The following RABGAP1 variants were observed in gnomAD, a reference collection of about 807,000 sequenced individuals.
The protein encoded by RABGAP1 is RAB GTPase activating protein 1, also known as rab GTPase-activating protein 1.
A neutral mutation model predicts 137.6 loss-of-function variants in RABGAP1; 23 were observed. The observed-to-expected ratio is 0.17, with a 90% CI of 0.12 to 0.24. The LOEUF is 0.24. Ranked by LOEUF, RABGAP1 falls within the 10% of genes least tolerant of loss-of-function variation. The pLI, the probability that RABGAP1 is intolerant of heterozygous loss-of-function variation, is 1.00. For synonymous variants in RABGAP1, 451 were observed against 450.7 expected, an observed-to-expected ratio of 1.00 and a Z score of -0.01; for missense variants, 906 against 1,275.8, an observed-to-expected ratio of 0.71 and a Z score of 4.42.
intron 11 of RABGAP1, among the ~76,000 whole-genome samples, chr9:123,012,061 C>G (rs2030858134): frequency 6.6e-6 from 1 of 152,200 alleles, no homozygotes; most frequent in Admixed American, 6.5e-5. Flanking sequence ...GGATCTAGGT[C>G]TGTGAATCCA....
intron 10 of RABGAP1, 71 bp from the exon 11 acceptor site, chr9:123,010,283 A>G: frequency 7.3e-7 from 1 of 1,371,524 alleles, no homozygotes; most frequent in Middle Eastern, 2.6e-4. Context: ...TAAAAACATT[A>G]AAAACACTGC....
chr9:123,034,513 T>G, intron 13 of RABGAP1: 1 of 1,136,440 alleles, frequency 8.8e-7, no homozygotes, highest in Non-Finnish European at 1.3e-6. Flanking sequence ...TTCTTTGAAC[T>G]GTTGGCAGCA....
chr9:123,093,595 GC>G (rs1459378448), intron 21 of RABGAP1, among the ~76,000 whole-genome samples: 1 of 152,182 alleles, frequency 6.6e-6, no homozygotes, highest in Non-Finnish European at 1.5e-5. Flanking sequence ...AGTTAGCTTG[GC>G]CCCTTTATTA....
At chr9:122,990,260 GGA>G (rs1836599805) in intron 6 of RABGAP1, 47 bp downstream of exon 6, 1 of 1,464,310 alleles carries the variant, frequency 6.8e-7, no homozygotes. Flanking sequence ...GTGGTTCAGG[GGA>G]AATTCTAGGT....
At chr9:122,977,173 G>A (rs948965136) in intron 2 of RABGAP1, among the ~76,000 whole-genome samples, 6 of 152,196 alleles carry the variant, frequency 3.9e-5, no homozygotes, top group African/African-American at 1.4e-4. Context: ...TTGAATGGTG[G>A]CCATATGTGA....
chr9:123,006,842 C>A (rs1243465498), intron 10 of RABGAP1, among the ~76,000 whole-genome samples: 2 of 152,122 alleles, frequency 1.3e-5, no homozygotes, highest in African/African-American at 4.8e-5. Flanking sequence ...CTCCTGACCT[C>A]AGGTGATCCA....
intron 13 of RABGAP1, chr9:123,062,655 C>T (rs2034021510): frequency 6.6e-6 from 1 of 152,196 alleles, no homozygotes; most frequent in Non-Finnish European, 1.5e-5. Context: ...CCCCTTCATT[C>T]TCTGATAATT....
chr9:122,944,097 G>A (rs775454573), intron 1 of RABGAP1, among the ~76,000 whole-genome samples: 3 of 152,166 alleles, frequency 2.0e-5, no homozygotes, highest in Non-Finnish European at 4.4e-5. Context: ...GGTGCTACAG[G>A]TGAGTATCTT....
intron 19 of RABGAP1, among the ~76,000 whole-genome samples, chr9:123,082,035 C>T (rs372527963): frequency 4.0e-5 from 6 of 151,204 alleles, no homozygotes; most frequent in African/African-American, 1.5e-4. Flanking sequence ...GTGTGTTGCT[C>T]AAAAATGTCT....
chr9:123,006,056 C>T (rs1588256260), intron 10 of RABGAP1, among the ~76,000 whole-genome samples: 2 of 152,096 alleles, frequency 1.3e-5, no homozygotes, highest in African/African-American at 4.8e-5. Context: ...TGGTCTTTTT[C>T]GTCTTTATTT....
chr9:123,005,056 C>A (rs1464746236), intron 10 of RABGAP1, among the ~76,000 whole-genome samples: 37 of 93,848 alleles, frequency 3.9e-4, no homozygotes, highest in African/African-American at 8.6e-4. Flanking sequence ...AACTCCATCT[C>A]AAAAAAAAAA....
intron 1 of RABGAP1, among the ~76,000 whole-genome samples, chr9:122,951,502 TATC>T: frequency 6.6e-6 from 1 of 152,222 alleles, no homozygotes; most frequent in East Asian, 1.9e-4. Context: ...AAAGAGGTTT[TATC>T]ATGGCCAGTT....
intron 3 of RABGAP1, 109 bp from the exon 4 acceptor site, chr9:122,986,106 A>T: frequency 1.0e-6 from 1 of 968,744 alleles, no homozygotes; most frequent in Non-Finnish European, 1.6e-6. Context: ...TTGTCTCATT[A>T]ATACTTAATT....
rs577991407 is a variant in RABGAP1 at position 123,038,600 on chromosome 9, T to C, written c.1794+18141T>C. Among the ~76,000 whole-genome samples the C allele has an allele frequency of 4.6e-5, 7 of 152,266 alleles. No homozygotes were observed. The East Asian group carries it at 1.4e-3, about 29-fold the overall frequency. On this transcript the variant is annotated intron_variant, in intron 13 of 25. Coordinates refer to ENST00000373647, the MANE Select transcript of RABGAP1 (RefSeq NM_012197.4). ...GAAATTACCAGCAAGCCAAAATGTATTGTTACATGAGCAAATTTTGGGAAA... is the reference window on the plus strand; with the variant it reads ...GAAATTACCAGCAAGCCAAAATGTACTGTTACATGAGCAAATTTTGGGAAA...
At chr9:122,997,426 A>C in intron 9 of RABGAP1, 65 bp downstream of exon 9, 1 of 1,195,508 alleles carries the variant, frequency 8.4e-7, no homozygotes, top group Non-Finnish European at 1.2e-6. Flanking sequence ...AAAACTAAGG[A>C]CCCCTTCTTT....
intron 11 of RABGAP1, 40 bp downstream of exon 11, chr9:123,010,568 A>T: frequency 6.5e-7 from 1 of 1,549,624 alleles, no homozygotes; most frequent in South Asian, 1.1e-5. Context: ...TTGGGGGTGG[A>T]AGACCATGCA....
At position 123,073,532 on chromosome 9, in the gene RABGAP1, A is replaced by G. The variant is rs1339774969; in HGVS notation, c.1984-20A>G. On this transcript the variant is annotated intron_variant, in intron 15 of 25. Transcript: ENST00000373647. ...CCCACCGCCATCCTCCCTACCCAAC[A>G]ACTTGCCTATCTGTTACAGATGCCT... The G allele has an allele frequency of 1.2e-6, 2 of 1,603,654 alleles. No homozygotes were observed. Among genetic ancestry groups the G allele is most frequent in the Non-Finnish European group, 8.5e-7 (1 of 1,176,146 alleles).
rs554411123 is a variant in RABGAP1, at chr9:122,955,358, C to G, written c.-49-1653C>G. On this transcript the variant is annotated intron_variant, in intron 1 of 25. Coordinates refer to ENST00000373647, the MANE Select transcript of RABGAP1 (RefSeq NM_012197.4). ...TCATAGCTTACTCTTTGTACATTAT[C>G]TACTCAATAAGTATTCAATGAATGG... Among the ~76,000 whole-genome samples, 37 of 152,302 alleles carry G rather than the reference C, an allele frequency of 2.4e-4. 1 individual carries two copies. The South Asian group carries it at 7.7e-3, about 32-fold the overall frequency.
chr9:123,004,114 T>C (rs184015599), intron 10 of RABGAP1, among the ~76,000 whole-genome samples: 151 of 152,324 alleles, frequency 9.9e-4, no homozygotes, highest in African/African-American at 3.5e-3. Context: ...ATTCCACTGC[T>C]GAATTGAGAG....
Sources: gnomAD v4.1 joint callset for allele counts (sites outside exome capture counted in the v4.1 genomes callset) on GRCh38, gnomAD v4.1.1 for gene constraint, MANE v1.5 for transcripts, NCBI Gene and HGNC (gene_info 2026-07-23, HGNC 2026-07-21) for gene names.